Variants in SLTM observed in about 807,000 individuals in gnomAD.
SLTM encodes the protein SAFB like transcription modulator, also known as SAFB-like transcription modulator.
A neutral mutation model predicts 134.6 loss-of-function variants in SLTM; 43 were observed. That is an observed-to-expected ratio of 0.32 (90% CI 0.25 to 0.41). SLTM has a LOEUF of 0.41. Among genes scored for constraint, SLTM ranks in the 10% least tolerant of loss-of-function variants. The probability of loss-of-function intolerance (pLI) is 1.00; values close to 1 mark genes in which losing one functional copy is unlikely to be tolerated. For synonymous variants in SLTM, 424 were observed against 432.3 expected, an observed-to-expected ratio of 0.98 and a Z score of 0.24; for missense variants, 1,055 against 1,288.8, an observed-to-expected ratio of 0.82 and a Z score of 2.78.
intron 8 of SLTM, chr15:58,898,585 C>T (rs190094335): frequency 2.1e-5 from 9 of 422,598 alleles, no homozygotes; most frequent in Admixed American, 9.9e-5. Flanking sequence ...GGGTTTTTAA[C>T]GTACCCCATT....
chr15:58,894,176 A>C lies in SLTM; in HGVS notation c.1395T>G (p.Ser465=). 1 of 1,609,904 alleles carries C rather than the reference A, an allele frequency of 6.2e-7. No homozygotes were observed. The highest frequency in any genetic ancestry group is 8.5e-7 in the Non-Finnish European group (1 of 1,177,594). ...CATTTTCTTTCTTCATTTCTTTCTT[A>C]GAGGGATCACCTTTTACCTGAAAGG... is the stretch of plus-strand genomic sequence containing the variant. ...ISVEKVKGDP[S]KKEMKKENDE... Residue 465 remains serine (S), a synonymous_variant, in exon 11 of 21, where the codon TCT becomes TCG. Transcript: ENST00000380516.
intron 1 of SLTM, 124 bp downstream of exon 1, chr15:58,933,280 C>G (rs2038021740): frequency 9.3e-7 from 1 of 1,074,616 alleles, no homozygotes; most frequent in African/African-American, 1.7e-5. Flanking sequence ...CCCCTGGCCT[C>G]CCTACCATGC....
intron 19 of SLTM, 129 bp downstream of exon 19, chr15:58,886,842 AAATT>A: frequency 9.2e-7 from 1 of 1,084,082 alleles, no homozygotes; most frequent in South Asian, 1.8e-5. Flanking sequence ...TTTAAATAAA[AAATT>A]AATGCCTCTG....
At chr15:58,924,482 TTA>T (rs2037324618) in intron 2 of SLTM, among the ~76,000 whole-genome samples, 1 of 152,216 alleles carries the variant, frequency 6.6e-6, no homozygotes, top group Non-Finnish European at 1.5e-5. Flanking sequence ...ATTTATTAAG[TTA>T]AACCTCCCAG....
chr15:58,921,861 C>T (rs929222540), intron 2 of SLTM, among the ~76,000 whole-genome samples: 1 of 151,938 alleles, frequency 6.6e-6, no homozygotes, highest in African/African-American at 2.4e-5. Context: ...CTGCAACCTC[C>T]GCCTCCCAGG....
intron 5 of SLTM, among the ~76,000 whole-genome samples, chr15:58,904,961 G>A (rs1455883582): frequency 4.6e-5 from 7 of 151,960 alleles, no homozygotes; most frequent in East Asian, 1.9e-4. Flanking sequence ...CGCCTGCCTC[G>A]GCCTCCCAAA....
At chr15:58,888,664 T>A in intron 16 of SLTM, 109 bp from the exon 17 acceptor site, 1 of 1,037,804 alleles carries the variant, frequency 9.6e-7, no homozygotes, top group Non-Finnish European at 1.4e-6. Flanking sequence ...ATAACAGGGC[T>A]AGTAAACTCA....
In SLTM at chr15:58,899,660, G is replaced by C. The variant is rs746336725; in HGVS notation, c.867C>G (p.Ser289Arg). 6.2e-7 allele frequency: 1 copy of C among 1,614,026 alleles called. No homozygotes were observed. Reference protein sequence around the residue: ...PKDGQDAIAQSPEKESKDYEM... With the variant: ...PKDGQDAIAQRPEKESKDYEM... ...CATAATCCTTGCTTTCCTTCTCCGG[G>C]CTCTGTGCAATGGCGTCCTGCCCAT... Residue 289 changes from serine (S) to arginine (R), a missense_variant, in exon 7 of 21, where the codon AGC (serine) becomes AGG (arginine). Transcript: ENST00000380516. The surrounding 1 kb of genome is among the most constrained non-coding windows in gnomAD (Gnocchi z 5.0).
chr15:58,928,715 A>T (rs1360383947), intron 2 of SLTM, among the ~76,000 whole-genome samples: 1 of 152,136 alleles, frequency 6.6e-6, no homozygotes, highest in Non-Finnish European at 1.5e-5. Context: ...TTTTTTCCAT[A>T]CCTATGAAGC....
chr15:58,896,464 G>T (rs2035086245), intron 9 of SLTM, among the ~76,000 whole-genome samples: 2 of 151,992 alleles, frequency 1.3e-5, no homozygotes, highest in Admixed American at 1.3e-4. Flanking sequence ...GTAGGCTTGA[G>T]GCATGAGAAT....
chr15:58,904,989 G>A (rs1039699876), intron 5 of SLTM, among the ~76,000 whole-genome samples: 19 of 152,036 alleles, frequency 1.2e-4, no homozygotes, highest in African/African-American at 4.3e-4. Flanking sequence ...GATTACAGGC[G>A]TGAGCCACCA....
chr15:58,918,224 A>G (rs1180412442), intron 2 of SLTM, among the ~76,000 whole-genome samples: 5 of 151,968 alleles, frequency 3.3e-5, no homozygotes, highest in Admixed American at 6.6e-5. Context: ...GAAGTTTATT[A>G]AAAAAAATTT....
intron 2 of SLTM, among the ~76,000 whole-genome samples, chr15:58,931,673 T>C (rs2037889427): frequency 6.6e-6 from 1 of 152,224 alleles, no homozygotes; most frequent in African/African-American, 2.4e-5. Flanking sequence ...GTTCCATTCA[T>C]ACTGCAAAAC....
At chr15:58,904,573 C>T (rs1255361439) in intron 5 of SLTM, among the ~76,000 whole-genome samples, 1 of 144,188 alleles carries the variant, frequency 6.9e-6, no homozygotes, top group Non-Finnish European at 1.5e-5. Context: ...GAGGCAGAGT[C>T]TCACTCCGTC....
intron 2 of SLTM, among the ~76,000 whole-genome samples, chr15:58,919,322 C>A (rs540109265): frequency 6.6e-6 from 1 of 152,098 alleles, no homozygotes; most frequent in African/African-American, 2.4e-5. Flanking sequence ...CTGCTGGAAG[C>A]GGTGGCTACT....
intron 3 of SLTM, among the ~76,000 whole-genome samples, chr15:58,915,769 G>C (rs2036595621): frequency 6.6e-6 from 1 of 151,992 alleles, no homozygotes; most frequent in Non-Finnish European, 1.5e-5. Context: ...AGATGGGTGG[G>C]TAAATGAACA....
chr15:58,925,943 A>C (rs1455834396), intron 2 of SLTM, among the ~76,000 whole-genome samples: 1 of 152,224 alleles, frequency 6.6e-6, no homozygotes, highest in East Asian at 1.9e-4. Context: ...GAAAACTGAA[A>C]AGTATATAAA....
At chr15:58,898,770 A>G (rs2035271975) in intron 8 of SLTM, 33 bp downstream of exon 8, 2 of 1,505,742 alleles carry the variant, frequency 1.3e-6, no homozygotes, top group Non-Finnish European at 1.8e-6. Flanking sequence ...CACAATGTCA[A>G]CACTGAAATA....
chr15:58,921,949 A>G (rs1170869706), intron 2 of SLTM, among the ~76,000 whole-genome samples: 1 of 151,992 alleles, frequency 6.6e-6, no homozygotes, highest in African/African-American at 2.4e-5. Flanking sequence ...TAATTTTTGT[A>G]TTTTTAGTAG....
Sources: allele counts gnomAD v4.1 joint callset (sites outside exome capture counted in the v4.1 genomes callset), GRCh38; gene constraint gnomAD v4.1.1; non-coding constraint Gnocchi (gnomAD v3.1); transcripts MANE v1.5; gene names NCBI Gene and HGNC (gene_info 2026-07-23, HGNC 2026-07-21).